Variants in PKHD1 observed in about 807,000 individuals in gnomAD.
PKHD1 encodes PKHD1 ciliary IPT domain containing fibrocystin/polyductin.
In PKHD1, 291 loss-of-function variants were observed where a neutral mutation model predicts 412.0. The ratio of observed to expected loss-of-function variants is 0.71; its 90% CI spans 0.64 to 0.78. The LOEUF is 0.78. Among genes scored for constraint, PKHD1 ranks in the 30% least tolerant of loss-of-function variants. The probability of loss-of-function intolerance (pLI) is 0.00; values close to 1 mark genes in which losing one functional copy is unlikely to be tolerated. For missense variants in PKHD1, 4,825 were observed against 4,950.7 expected (o/e 0.97, Z 0.76); for synonymous variants, 1,777 against 1,821.5 (o/e 0.98, Z 0.62).
chr6:51,743,248 C>A (rs1047788749), intron 60 of PKHD1, among the ~76,000 whole-genome samples: 1 of 151,650 alleles, frequency 6.6e-6, no homozygotes, highest in African/African-American at 2.4e-5. Context: ...ACAATGGTGG[C>A]TAGTAGTAAA....
intron 56 of PKHD1, 88 bp from the exon 57 acceptor site, chr6:51,753,441 A>G: frequency 9.5e-7 from 1 of 1,050,408 alleles, no homozygotes; most frequent in South Asian, 1.3e-5. Flanking sequence ...CTGAGAAATG[A>G]AAACATCCTT....
At chr6:51,638,591 A>G (rs1768891622) in intron 64 of PKHD1, among the ~76,000 whole-genome samples, 1 of 152,170 alleles carries the variant, frequency 6.6e-6, no homozygotes, top group Non-Finnish European at 1.5e-5. Context: ...AAAAACAAGT[A>G]GAACACTGAA....
chr6:51,962,809 AC>A (rs1249041632), intron 35 of PKHD1, among the ~76,000 whole-genome samples: 2 of 151,740 alleles, frequency 1.3e-5, no homozygotes, highest in African/African-American at 4.8e-5. Context: ...TTTAAAAAGC[AC>A]CCCCAATCAT....
chr6:51,881,093 C>CT (rs1777263535), intron 46 of PKHD1, among the ~76,000 whole-genome samples: 1 of 87,588 alleles, frequency 1.1e-5, no homozygotes, highest in Admixed American at 1.2e-4. Flanking sequence ...TTTTTTTTTT[C>CT]TTTTTTTGGA....
intron 53 of PKHD1, among the ~76,000 whole-genome samples, chr6:51,777,899 C>T (rs1275776487): frequency 1.3e-5 from 2 of 152,006 alleles, no homozygotes; most frequent in African/African-American, 4.8e-5. Context: ...AATTAGTTAG[C>T]CTGCCGTGAT....
At chr6:51,806,547 A>T (rs1471181039) in intron 52 of PKHD1, among the ~76,000 whole-genome samples, 1 of 152,160 alleles carries the variant, frequency 6.6e-6, no homozygotes. Flanking sequence ...TCAAGTGGAC[A>T]ATTACACATA....
chr6:51,927,554 A>G (rs1583415364), intron 37 of PKHD1, among the ~76,000 whole-genome samples: 1 of 152,154 alleles, frequency 6.6e-6, no homozygotes, highest in Non-Finnish European at 1.5e-5. Flanking sequence ...TCCCCTTCCT[A>G]TAGAGCGAGG....
intron 60 of PKHD1, among the ~76,000 whole-genome samples, chr6:51,689,696 C>T (rs1433492160): frequency 6.6e-6 from 1 of 152,118 alleles, no homozygotes; most frequent in Non-Finnish European, 1.5e-5. Context: ...TCCTATACAC[C>T]AACAACAGAG....
At chr6:51,634,350 C>G (rs1236916424) in intron 64 of PKHD1, among the ~76,000 whole-genome samples, 1 of 152,176 alleles carries the variant, frequency 6.6e-6, no homozygotes, top group Admixed American at 6.5e-5. Context: ...CATCATGTAT[C>G]TGAGCCATAT....
chr6:51,908,349 A>G (rs1782443881), intron 40 of PKHD1, among the ~76,000 whole-genome samples: 1 of 152,168 alleles, frequency 6.6e-6, no homozygotes, highest in Non-Finnish European at 1.5e-5. Flanking sequence ...ATCTCTCAAA[A>G]GCCACCTGAA....
At position 51,785,848 on chromosome 6, in the gene PKHD1, T is replaced by C. The variant is rs561270496; in HGVS notation, c.8440+5388A>G. 2.6e-5 allele frequency among the ~76,000 whole-genome samples: 4 copies of C among 152,258 alleles called. No individual in the cohort carries two copies. In the South Asian group the frequency reaches 8.3e-4, roughly 32 times the overall value. ...TTTGAGCTGATGATCCTCAAATATGTACATTTAGCGCAGACCTCTCTCACT... is the reference window on the plus strand; with the variant it reads ...TTTGAGCTGATGATCCTCAAATATGCACATTTAGCGCAGACCTCTCTCACT... On this transcript the variant is annotated intron_variant, in intron 53 of 66. Coordinates refer to ENST00000371117, the MANE Select transcript of PKHD1 (RefSeq NM_138694.4).
chr6:51,814,391 G>A (rs1252762388), intron 52 of PKHD1, among the ~76,000 whole-genome samples: 1 of 152,138 alleles, frequency 6.6e-6, no homozygotes, highest in African/African-American at 2.4e-5. Flanking sequence ...CTCTAAGCCT[G>A]CACCAATGTT....
At chr6:51,870,293 T>C (rs938268188) in intron 47 of PKHD1, among the ~76,000 whole-genome samples, 7 of 152,168 alleles carry the variant, frequency 4.6e-5, no homozygotes, top group Non-Finnish European at 1.0e-4. Flanking sequence ...TAGAATGTGA[T>C]AGGCACCATA....
At chr6:51,763,387 A>G (rs1475275724) in intron 55 of PKHD1, among the ~76,000 whole-genome samples, 1 of 152,124 alleles carries the variant, frequency 6.6e-6, no homozygotes, top group Non-Finnish European at 1.5e-5. Context: ...AATAAAATTG[A>G]GTTCCTTTCA....
intron 37 of PKHD1, among the ~76,000 whole-genome samples, chr6:51,918,182 C>CATAT (rs3062528): frequency 8.0e-5 from 12 of 150,708 alleles, no homozygotes; most frequent in South Asian, 4.2e-4. Context: ...CAAATATATA[C>CATAT]ATATATATAT....
intron 11 of PKHD1, among the ~76,000 whole-genome samples, chr6:52,067,442 T>G (rs1179912561): frequency 6.6e-6 from 1 of 152,212 alleles, no homozygotes; most frequent in Non-Finnish European, 1.5e-5. Context: ...ACCTATTATA[T>G]GGTACTAGGA....
chr6:52,065,623 TC>T (rs1334339487), intron 12 of PKHD1, among the ~76,000 whole-genome samples: 1 of 152,148 alleles, frequency 6.6e-6, no homozygotes, highest in African/African-American at 2.4e-5. Context: ...CTCCTGCTTG[TC>T]TATATCAAGA....
intron 36 of PKHD1, among the ~76,000 whole-genome samples, chr6:51,958,310 T>C (rs961392771): frequency 6.6e-6 from 1 of 152,232 alleles, no homozygotes; most frequent in South Asian, 2.1e-4. Context: ...AACTCACTTA[T>C]CTAAATAATA....
At position 51,626,986 on chromosome 6, in the gene PKHD1, T is replaced by C. The variant is rs750648556; in HGVS notation, c.11785+11A>G. The C allele has an allele frequency of 6.2e-7, 1 of 1,613,090 alleles. No individual in the cohort carries two copies. The highest frequency in any genetic ancestry group is 1.1e-5 in the South Asian group (1 of 91,080). ...TCTCCTGTGGGGATCATCTCCACCC[T>C]CCAAGCTTACCTTCTCCCACCACAG... is the stretch of plus-strand genomic sequence containing the variant. On this transcript the variant is annotated intron_variant, in intron 66 of 66. Coordinates refer to ENST00000371117, the MANE Select transcript of PKHD1 (RefSeq NM_138694.4).
Sources: gnomAD v4.1 joint callset for allele counts (sites outside exome capture counted in the v4.1 genomes callset) on GRCh38, gnomAD v4.1.1 for gene constraint, MANE v1.5 for transcripts, NCBI Gene and HGNC (gene_info 2026-07-23, HGNC 2026-07-21) for gene names.